Variants in NAT10 observed in about 807,000 individuals in gnomAD.
NAT10 encodes N-acetyltransferase 10.
A neutral mutation model predicts 132.2 loss-of-function variants in NAT10; 109 were observed. The observed-to-expected ratio is 0.82, with a 90% CI of 0.71 to 0.97. The LOEUF (loss-of-function observed/expected upper bound fraction) is 0.97. Ranked by LOEUF, NAT10 falls within the 50% of genes least tolerant of loss-of-function variation. The pLI, the probability that NAT10 is intolerant of heterozygous loss-of-function variation, is 0.00. For synonymous variants in NAT10, 479 were observed against 478.0 expected (o/e 1.00, Z -0.03); for missense variants, 1,184 against 1,263.4 (o/e 0.94, Z 0.95).
At chr11:34,115,979 A>G (rs919737935) in intron 6 of NAT10, 95 bp downstream of exon 6, 5 of 1,129,748 alleles carry the variant, frequency 4.4e-6, no homozygotes, top group Non-Finnish European at 6.5e-6. Flanking sequence ...TATATTGGGG[A>G]AAGTAGTACA....
chr11:34,110,559 C>CCA (rs1253094704), intron 3 of NAT10, among the ~76,000 whole-genome samples: 102 of 101,722 alleles, frequency 1.0e-3, no homozygotes, highest in African/African-American at 4.3e-3. Flanking sequence ...TTTTCTTTCC[C>CCA]TTTTTTTTTT....
At chr11:34,135,064 C>T (rs1021318357) in intron 18 of NAT10, 111 bp from the exon 19 acceptor site, 40 of 788,324 alleles carry the variant, frequency 5.1e-5, no homozygotes, top group Non-Finnish European at 7.9e-5. Flanking sequence ...TTGCCCCGTG[C>T]TGTTTGACAG....
In NAT10 at chr11:34,128,161, C is replaced by A. The variant is rs202000466; in HGVS notation, c.1244+562C>A. Among the ~76,000 whole-genome samples the A allele has an allele frequency of 1.6e-4, 25 of 152,086 alleles. 1 individual carries two copies. The East Asian group carries it at 4.5e-3, about 27-fold the overall frequency. On this transcript the variant is annotated intron_variant, in intron 12 of 28. Coordinates refer to ENST00000257829, the MANE Select transcript of NAT10 (RefSeq NM_024662.3). ...ACAAGGTCAGGAGTTCGAGACCAGC[C>A]TGACCAACATGGTAAAACCCCATCT...
At chr11:34,109,204 C>T (rs1851650909) in intron 3 of NAT10, among the ~76,000 whole-genome samples, 1 of 152,028 alleles carries the variant, frequency 6.6e-6, no homozygotes, top group Admixed American at 6.5e-5. Context: ...ATCCCATGTC[C>T]AAGGAAAACC....
chr11:34,124,492 CTTG>C, intron 11 of NAT10, 92 bp downstream of exon 11: 4 of 865,526 alleles, frequency 4.6e-6, no homozygotes, highest in Non-Finnish European at 7.3e-6. Flanking sequence ...ACATGTATGT[CTTG>C]TGTAATTGCA....
chr11:34,120,344 A>G (rs1047651714), intron 8 of NAT10, among the ~76,000 whole-genome samples: 3 of 152,314 alleles, frequency 2.0e-5, no homozygotes, highest in African/African-American at 7.2e-5. Context: ...TACAGCCTTC[A>G]GGCAAGGCCA....
chr11:34,131,457 T>C lies in NAT10; in HGVS notation c.1446T>C (p.Asn482=). ...GGGATGCAGTGGAGAAGTGGCTGAA[T>C]GACTTGCTGTGCCTGGATTGCCTCA... ...APGDAVEKWL[N]DLLCLDCLNI... is the part of the protein sequence containing the mutation. The change falls in exon 14 of 29, where the codon AAT becomes AAC. Residue 482 remains asparagine, a synonymous_variant. Transcript: ENST00000257829. 6 of 1,614,164 alleles carry C rather than the reference T, an allele frequency of 3.7e-6. No individual in the cohort carries two copies. Among genetic ancestry groups the C allele is most frequent in the Non-Finnish European group, 5.1e-6 (6 of 1,180,028 alleles).
chr11:34,131,661 C>A, intron 14 of NAT10, 130 bp downstream of exon 14: 2 of 910,942 alleles, frequency 2.2e-6, no homozygotes, highest in African/African-American at 1.8e-5. Flanking sequence ...TTTCAATTTC[C>A]TTTTTCTCTT....
rs569518057 is a variant in NAT10 at position 34,139,375 on chromosome 11, C to G, written c.2309-10C>G. 19 of 1,613,616 alleles carry G rather than the reference C, an allele frequency of 1.2e-5. No individual in the cohort carries two copies. In the African/African-American group the frequency reaches 1.5e-4, roughly 12 times the overall value. On this transcript the variant is annotated splice_polypyrimidine_tract_variant and intron_variant, in intron 22 of 28. Coordinates refer to ENST00000257829, the MANE Select transcript of NAT10 (RefSeq NM_024662.3). ...CCAGACCTCTAACTCTGCGTGATGG[C>G]ACCCCACAGATTTCCGACGGCGGTT...
intron 21 of NAT10, among the ~76,000 whole-genome samples, chr11:34,137,897 G>C (rs1274363919): frequency 6.6e-6 from 1 of 152,162 alleles, no homozygotes; most frequent in Non-Finnish European, 1.5e-5. Flanking sequence ...GAGGACAGCT[G>C]GCCATTGGAT....
At chr11:34,130,694 G>A (rs1852088248) in intron 12 of NAT10, 119 bp from the exon 13 acceptor site, 2 of 1,296,132 alleles carry the variant, frequency 1.5e-6, no homozygotes, top group East Asian at 2.4e-5. Context: ...GATGAGCAAG[G>A]CTGTCCTGGG....
At chr11:34,113,664 CT>C in intron 4 of NAT10, 51 bp from the exon 5 acceptor site, 2 of 1,313,342 alleles carry the variant, frequency 1.5e-6, no homozygotes, top group South Asian at 1.3e-5. Context: ...AAAAAAAGTC[CT>C]TTGGGTTGCT....
Position 34,141,793 on chromosome 11 carries a change from G to A in NAT10, c.2787G>A (p.Thr929=), listed in dbSNP as rs756625090. ...VAAKDVVMEP[T]MKTLSDDLDE... is the part of the protein sequence containing the mutation. ...CGAAGGATGTGGTCATGGAGCCCAC[G>A]ATGAAGACCCTCAGTGACGACCTAG... The change falls in exon 26 of 29, where the codon ACG becomes ACA. Residue 929 remains threonine, a synonymous_variant. Coordinates refer to ENST00000257829, the MANE Select transcript of NAT10 (RefSeq NM_024662.3). 10 of 1,613,808 alleles carry A rather than the reference G, an allele frequency of 6.2e-6. No individual in the cohort carries two copies. The Admixed American group carries it at 8.3e-5, about 13-fold the overall frequency.
chr11:34,108,432 T>G, intron 2 of NAT10, 99 bp downstream of exon 2: 1 of 977,496 alleles, frequency 1.0e-6, no homozygotes, highest in East Asian at 2.4e-5. Flanking sequence ...GGCATTAAGA[T>G]CTCTTTGGCT....
In NAT10 at chr11:34,118,241, C is replaced by T. The variant is rs1262285295; in HGVS notation, c.619C>T (p.Leu207=). 1.1e-5 allele frequency: 17 copies of T among 1,614,204 alleles called. No individual in the cohort carries two copies. Among genetic ancestry groups the T allele is most frequent in the Non-Finnish European group, 1.4e-5 (16 of 1,180,036 alleles). ...CLVIDDQLNI[L]PISSHVATME... is the part of the protein sequence containing the mutation. Reference sequence around the variant, plus strand: ...CGTCATTGATGACCAGCTCAACATCCTGCCCATCTCCTCCCACGTTGCCAC... The same window carrying T: ...CGTCATTGATGACCAGCTCAACATCTTGCCCATCTCCTCCCACGTTGCCAC... The change falls in exon 7 of 29, where the codon CTG becomes TTG. Residue 207 remains leucine (L), a synonymous_variant. Coordinates refer to ENST00000257829, the MANE Select transcript of NAT10 (RefSeq NM_024662.3).
intron 14 of NAT10, among the ~76,000 whole-genome samples, chr11:34,131,749 A>C (rs1852110182): frequency 6.8e-6 from 1 of 147,904 alleles, no homozygotes; most frequent in Non-Finnish European, 1.5e-5. Context: ...GCAGTGGCAC[A>C]ATCTCAGCTC....
intron 28 of NAT10, 46 bp from the exon 29 acceptor site, chr11:34,146,038 C>A: frequency 7.4e-7 from 1 of 1,349,806 alleles, no homozygotes; most frequent in South Asian, 1.3e-5. Context: ...CTCAGATGTT[C>A]AGATCTGTAC....
intron 16 of NAT10, among the ~76,000 whole-genome samples, chr11:34,133,962 C>T (rs1852156153): frequency 6.7e-6 from 1 of 150,348 alleles, no homozygotes; most frequent in Admixed American, 6.7e-5. Context: ...ACCATCCTGG[C>T]TAACACGGTG....
In NAT10 at chr11:34,133,009, G is replaced by A. The variant is rs138277749; in HGVS notation, c.1618-17G>A. ...GAGGAAGAGTGCTTCTCACTGACCCGTGTTTGGCTTCCACAGAACTCTCCC... is the reference window on the plus strand; with the variant it reads ...GAGGAAGAGTGCTTCTCACTGACCCATGTTTGGCTTCCACAGAACTCTCCC... On this transcript the variant is annotated splice_polypyrimidine_tract_variant and intron_variant, in intron 15 of 28. Transcript: ENST00000257829. The A allele has an allele frequency of 7.3e-5, 117 of 1,599,892 alleles. No individual in the cohort carries two copies. The African/African-American group carries it at 8.6e-4, about 12-fold the overall frequency.
Sources: gnomAD v4.1 joint callset for allele counts (sites outside exome capture counted in the v4.1 genomes callset) on GRCh38, gnomAD v4.1.1 for gene constraint, MANE v1.5 for transcripts, NCBI Gene and HGNC (gene_info 2026-07-23, HGNC 2026-07-21) for gene names.